RYR1: variants seen among roughly 807,000 people sequenced by gnomAD.
RYR1 encodes ryanodine receptor 1.
In RYR1, 342 loss-of-function variants were observed where a neutral mutation model predicts 583.5. The ratio of observed to expected loss-of-function variants is 0.59; its 90% CI spans 0.54 to 0.64. The LOEUF is 0.64. RYR1 is among the 30% of genes least tolerant of loss of function. The pLI is 0.00. For missense variants in RYR1, 6,032 were observed against 6,917.2 expected (o/e 0.87, Z 4.54); for synonymous variants, 2,791 against 2,822.5 (o/e 0.99, Z 0.35).
In RYR1 at chr19:38,469,445, G is replaced by A; in HGVS notation, c.3697G>A (p.Val1233Ile). 1 of 1,614,088 alleles carries A rather than the reference G, an allele frequency of 6.2e-7. No homozygotes were observed. The highest frequency in any genetic ancestry group is 8.5e-7 in the Non-Finnish European group (1 of 1,179,990). Residue 1233 changes from valine (V) to isoleucine (I), a missense_variant, in exon 27 of 106, where the codon GTC becomes ATC. Val to Ile is a conservative substitution (Grantham distance 29, BLOSUM62 3). Transcript: ENST00000359596. ...EPFAINMQRP[V>I]TTWFSKGLPQ... ...ATTTGCCATCAACATGCAGCGCCCA[G>A]TCACCACCTGGTTCAGCAAAGGCCT...
Position 38,442,391 on chromosome 19 carries a change from C to T in RYR1, c.208C>T (p.Gln70Ter), listed in dbSNP as rs1456276440. The T allele has an allele frequency of 2.8e-5, 45 of 1,613,490 alleles. No homozygotes were observed. The highest frequency in any genetic ancestry group is 3.8e-5 in the Non-Finnish European group (45 of 1,179,712). ...GGCCATCTGTTGCTTCGTCCTGGAG[C>T]AGTCCCTGTCTGTGCGAGCCCTGCA... Reference protein sequence around the residue: ...DLAICCFVLEQSLSVRALQEM... With the variant: ...DLAICCFVLE Residue 70 changes from glutamine (Q) to a stop codon, truncating the protein, a stop_gained, in exon 3 of 106, where the codon CAG (glutamine) becomes TAG (stop). Transcript: ENST00000359596. LOFTEE classifies it high-confidence loss of function.
chr19:38,464,658 T>A lies in RYR1; in HGVS notation c.2806T>A (p.Cys936Ser). Reference protein sequence around the residue: ...ETLKTLLALGCHVGMADEKAE... With the variant: ...ETLKTLLALGSHVGMADEKAE... ...CCCCAGGACTCTGCTGGCTCTGGGC[T>A]GCCACGTGGGCATGGCGGATGAGAA... The change falls in exon 23 of 106, where the codon TGC (cysteine) becomes AGC (serine). Residue 936 changes from cysteine to serine, a missense_variant. Physicochemically the swap from Cys to Ser is moderately radical, Grantham distance 112. Coordinates refer to ENST00000359596, the MANE Select transcript of RYR1 (RefSeq NM_000540.3). 6.3e-7 allele frequency: 1 copy of A among 1,590,602 alleles called. No individual in the cohort carries two copies. The highest frequency in any genetic ancestry group is 8.6e-7 in the Non-Finnish European group (1 of 1,168,638).
rs780880695 is a variant in RYR1, at chr19:38,494,494, G to A, written c.6417G>A (p.Pro2139=). Residue 2139 remains proline (P), a synonymous_variant, in exon 39 of 106, where the codon CCG becomes CCA. Coordinates refer to ENST00000359596, the MANE Select transcript of RYR1 (RefSeq NM_000540.3). Reference sequence around the variant, plus strand: ...TGGGTGAGCTGCTGCGTGCCCTGCCGCGGGCGTACACCATCTCACCGTCCT... The same window carrying A: ...TGGGTGAGCTGCTGCGTGCCCTGCCACGGGCGTACACCATCTCACCGTCCT... The part of the protein sequence containing the change: ...DGLGELLRAL[P]RAYTISPSSV... 4.3e-6 allele frequency: 7 copies of A among 1,613,358 alleles called. No homozygotes were observed. The highest frequency in any genetic ancestry group is 4.5e-5 in the East Asian group (2 of 44,878).
chr19:38,559,980 C>T (rs74666002), intron 89 of RYR1, among the ~76,000 whole-genome samples: 3,402 of 149,338 alleles, frequency 0.023, 63 homozygotes, highest in Non-Finnish European at 0.033. Flanking sequence ...TGAGTGAGTG[C>T]GGTCAAGAAC....
At position 38,565,793 on chromosome 19, in the gene RYR1, T is replaced by TG; in HGVS notation, c.13437+26dup. 7.3e-7 allele frequency: 1 copy of TG among 1,375,848 alleles called. No homozygotes were observed. The highest frequency in any genetic ancestry group is 9.3e-7 in the Non-Finnish European group (1 of 1,073,568). 85.2% of individuals were successfully genotyped at this position (1,375,848 alleles called of 1,614,324 possible). On this transcript the variant is annotated intron_variant, in intron 91 of 105. Coordinates refer to ENST00000359596, the MANE Select transcript of RYR1 (RefSeq NM_000540.3). The surrounding 1 kb of genome is among the most constrained non-coding windows in gnomAD (Gnocchi z 4.7). The stretch of plus-strand genomic sequence containing the variant: ...GGGGGTGAGAGAGCAGGCGGGGTTT[T>TG]GGGGTTTTGGAAAGATGGGGGATTG...
At chr19:38,450,492 T>G (rs1967017052) in intron 11 of RYR1, among the ~76,000 whole-genome samples, 1 of 151,916 alleles carries the variant, frequency 6.6e-6, no homozygotes, top group Non-Finnish European at 1.5e-5. Context: ...AGAGGGGACA[T>G]TTAATAGGCG....
At chr19:38,440,970 G>A (rs1972648544) in intron 2 of RYR1, 106 bp downstream of exon 2, 1 of 1,282,080 alleles carries the variant, frequency 7.8e-7, no homozygotes, top group Non-Finnish European at 1.1e-6. Flanking sequence ...GGTGCTGACA[G>A]GAGAGAAAGT....
intron 89 of RYR1, among the ~76,000 whole-genome samples, chr19:38,553,660 A>G (rs1377364550): frequency 6.6e-6 from 1 of 152,118 alleles, no homozygotes. Context: ...TGTCTCAAAA[A>G]AACATTTATC....
At chr19:38,575,144 G>A (rs558526169) in intron 96 of RYR1, among the ~76,000 whole-genome samples, 37 of 152,238 alleles carry the variant, frequency 2.4e-4, no homozygotes, top group South Asian at 8.3e-4. Context: ...GAAATTAAAT[G>A]AAATCAACCA....
intron 99 of RYR1, among the ~76,000 whole-genome samples, chr19:38,579,156 C>T (rs1974087451): frequency 6.6e-6 from 1 of 151,800 alleles, no homozygotes; most frequent in African/African-American, 2.4e-5. Context: ...TGCGGTGGCT[C>T]AGGCCTGTAA....
At chr19:38,507,240 TGA>T (rs1430787286) in intron 57 of RYR1, among the ~76,000 whole-genome samples, 2 of 129,766 alleles carry the variant, frequency 1.5e-5, no homozygotes, top group Non-Finnish European at 3.2e-5. Flanking sequence ...TGGAGGAGAC[TGA>T]GAGGGGCGGG....
In RYR1 at chr19:38,542,432, T is replaced by C. The variant is rs17795079; in HGVS notation, c.11690-915T>C. On this transcript the variant is annotated intron_variant, in intron 84 of 105. Coordinates refer to ENST00000359596, the MANE Select transcript of RYR1 (RefSeq NM_000540.3). ...CATAGTTGGTGGTCAATATACAAAT[T>C]TGTTGGAAAAAACTGAATGAATAAA... 9.0e-3 allele frequency among the ~76,000 whole-genome samples: 1,366 copies of C among 152,274 alleles called. 38 individuals are homozygous for C. Among genetic ancestry groups the C allele is most frequent in the East Asian group, 0.077 (400 of 5,188 alleles).
intron 95 of RYR1, 132 bp downstream of exon 95, chr19:38,572,402 G>A: frequency 8.8e-7 from 1 of 1,136,382 alleles, no homozygotes; most frequent in Non-Finnish European, 1.3e-6. Flanking sequence ...TTGGGGTGAG[G>A]GCTGGGGAAC....
intron 29 of RYR1, 33 bp from the exon 30 acceptor site, chr19:38,477,677 A>G (rs959757099): frequency 1.2e-6 from 2 of 1,613,916 alleles, no homozygotes; most frequent in Non-Finnish European, 1.7e-6. Context: ...TGACTTCCAG[A>G]CTGACCACTA....
At chr19:38,475,092 T>C (rs1217671308) in intron 28 of RYR1, among the ~76,000 whole-genome samples, 1 of 152,198 alleles carries the variant, frequency 6.6e-6, no homozygotes, top group Non-Finnish European at 1.5e-5. Flanking sequence ...GACCTCCATA[T>C]TCCCAGAAGG....
At chr19:38,504,455 C>T in intron 50 of RYR1, 95 bp downstream of exon 50, 1 of 1,482,710 alleles carries the variant, frequency 6.7e-7, no homozygotes, top group Non-Finnish European at 9.2e-7. Flanking sequence ...TTGGGGGGTT[C>T]AAGGAGGAGA....
rs1387231731 is a variant in RYR1 at position 38,543,052 on chromosome 19, GGCT to G, written c.11690-293_11690-291del. Among the ~76,000 whole-genome samples, 1 of 151,966 alleles carries G rather than the reference GGCT, an allele frequency of 6.6e-6. No homozygotes were observed. Among genetic ancestry groups the G allele is most frequent in the Non-Finnish European group, 1.5e-5 (1 of 68,010 alleles). ...AGACGGGGTTTCACCATGTTGGTCA[GGCT>G]GGTCTCAAACTCCTGACCTCAGGTG... On this transcript the variant is annotated intron_variant, in intron 84 of 105. Transcript: ENST00000359596. This position sits in a 1 kb window ranked among gnomAD's most constrained non-coding sequence, Gnocchi z 4.4.
At position 38,512,099 on chromosome 19, in the gene RYR1, G is replaced by A; in HGVS notation, c.9200G>A (p.Cys3067Tyr). 2 of 1,614,196 alleles carry A rather than the reference G, an allele frequency of 1.2e-6. No individual in the cohort carries two copies. The highest frequency in any genetic ancestry group is 1.7e-6 in the Non-Finnish European group (2 of 1,180,028). ...FGTDAPAVVN[C>Y]LHILARSLDA... ...ACAGACGCCCCAGCTGTGGTCAACT[G>A]TCTTCACATCCTGGCCCGCTCCCTG... is the stretch of plus-strand genomic sequence containing the variant. Residue 3067 changes from cysteine to tyrosine, a missense_variant, in exon 62 of 106, where the codon TGT becomes TAT. Transcript: ENST00000359596. This position sits in a 1 kb window ranked among gnomAD's most constrained non-coding sequence, Gnocchi z 5.1.
chr19:38,515,244 C>A, intron 64 of RYR1, 137 bp downstream of exon 64: 2 of 744,146 alleles, frequency 2.7e-6, no homozygotes, highest in South Asian at 3.1e-5. Flanking sequence ...CGCGGTTCCC[C>A]ACGGCGGCCG....
Sources: gnomAD v4.1 joint callset for allele counts (sites outside exome capture counted in the v4.1 genomes callset) on GRCh38, gnomAD v4.1.1 for gene constraint, Gnocchi (gnomAD v3.1) non-coding constraint, MANE v1.5 for transcripts, NCBI Gene and HGNC (gene_info 2026-07-23, HGNC 2026-07-21) for gene names.